The following GATA5 variants were observed in gnomAD, a reference collection of about 807,000 sequenced individuals.
The protein encoded by GATA5 is GATA binding protein 5, also known as transcription factor GATA-5.
GATA5 carries 27 observed loss-of-function variants against 35.0 expected under a neutral mutation model. The ratio of observed to expected loss-of-function variants is 0.77; its 90% CI spans 0.57 to 1.06. GATA5 has a LOEUF of 1.06. Among genes scored for constraint, GATA5 ranks in the 50% least tolerant of loss-of-function variants. GATA5 has a pLI of 0.00. For missense variants in GATA5, 612 were observed against 580.0 expected, an observed-to-expected ratio of 1.06 and a Z score of -0.57; for synonymous variants, 306 against 267.8, an observed-to-expected ratio of 1.14 and a Z score of -1.39.
rs1232727494 is a variant in GATA5, at chr20:62,463,811, C to T, written c.*1025G>A. On this transcript the variant is annotated 3_prime_UTR_variant, in exon 7 of 7. Coordinates refer to ENST00000252997, the MANE Select transcript of GATA5 (RefSeq NM_080473.5). ...CGGACGGAGGCGAGGATGTGCTCCC[C>T]GCAGGGCCCTGTGGCTGCCTGCCCC... 10 of 152,670 alleles carry T rather than the reference C, an allele frequency of 6.6e-5. No homozygotes were observed. Among genetic ancestry groups the T allele is most frequent in the East Asian group, 1.9e-4 (1 of 5,206 alleles). The allele number at this position is 152,670 out of a possible 1,614,324, so 9.5% of individuals were successfully genotyped here. A position where few individuals can be genotyped will look rare whatever the true frequency, so the allele number is the denominator to read the frequency against.
chr20:62,465,313 G>C, intron 6 of GATA5, 27 bp downstream of exon 6: 1 of 1,574,046 alleles, frequency 6.4e-7, no homozygotes, highest in Non-Finnish European at 8.6e-7. Flanking sequence ...CCAGCTCTGG[G>C]CACCCCACCC....
At position 62,465,361 on chromosome 20, in the gene GATA5, A is replaced by T; in HGVS notation, c.1017T>A (p.Pro339=). 1 of 1,521,080 alleles carries T rather than the reference A, an allele frequency of 6.6e-7. No homozygotes were observed. The highest frequency in any genetic ancestry group is 8.9e-7 in the Non-Finnish European group (1 of 1,127,496). 94.2% of individuals were successfully genotyped at this position (1,521,080 alleles called of 1,614,324 possible). A position where few individuals can be genotyped will look rare whatever the true frequency, so the allele number is the denominator to read the frequency against. The change falls in exon 6 of 7, where the codon CCT becomes CCA. Residue 339 remains proline, a synonymous_variant. Coordinates refer to ENST00000252997, the MANE Select transcript of GATA5 (RefSeq NM_080473.5). ...AKPSLASPVC[P]GPSMAPQASG... ...TTACCTGGGGGGCCATGCTGGGCCC[A>T]GGGCACACTGGGGACGCCAGGCTGG...
chr20:62,468,750 T>C (rs544174526), intron 3 of GATA5, among the ~76,000 whole-genome samples: 29 of 152,274 alleles, frequency 1.9e-4, no homozygotes, highest in African/African-American at 7.0e-4. Flanking sequence ...CCACTCAGGG[T>C]CTCCAGTGGT....
rs1162960226 is a variant in GATA5 at position 62,464,803 on chromosome 20, G to A, written c.*33C>T. On this transcript the variant is annotated 3_prime_UTR_variant, in exon 7 of 7. Coordinates refer to ENST00000252997, the MANE Select transcript of GATA5 (RefSeq NM_080473.5). ...GTGACTCAGTGGGTGGTCTGTTCCA[G>A]GCTGTTCCCCTGACATGGGCTGGCC... is the stretch of plus-strand genomic sequence containing the variant. 1.3e-6 allele frequency: 2 copies of A among 1,552,508 alleles called. No homozygotes were observed. The highest frequency in any genetic ancestry group is 1.2e-5 in the South Asian group (1 of 84,212).
chr20:62,475,701 C>A (rs903270447), intron 1 of GATA5, among the ~76,000 whole-genome samples, 159 bp from the exon 2 acceptor site: 3 of 152,242 alleles, frequency 2.0e-5, no homozygotes, highest in Non-Finnish European at 4.4e-5. Flanking sequence ...GGGAGAGGAA[C>A]CGCGGGGATG....
At chr20:62,465,971 G>T in intron 4 of GATA5, 50 bp from the exon 5 acceptor site, 1 of 1,346,210 alleles carries the variant, frequency 7.4e-7, no homozygotes, top group Non-Finnish European at 1.0e-6. Flanking sequence ...GCTCACCCCG[G>T]GCCCCTTGCA....
At position 62,465,853 on chromosome 20, in the gene GATA5, G is replaced by A. The variant is rs375919434; in HGVS notation, c.894C>T (p.Ala298=). 6.3e-7 allele frequency: 1 copy of A among 1,592,984 alleles called. No homozygotes were observed. The highest frequency in any genetic ancestry group is 1.3e-5 in the African/African-American group (1 of 74,722). Residue 298 remains alanine, a synonymous_variant, in exon 5 of 7, where the codon GCC becomes GCT. Transcript: ENST00000252997. ...QTRKRKPKTI[A]KARGSSGSTR... is the part of the protein sequence containing the mutation. ...ACGCACCTGAGGAGCCCCTGGCCTTGGCGATGGTCTTTGGCTTCCGCTTCC... is the reference window on the plus strand; with the variant it reads ...ACGCACCTGAGGAGCCCCTGGCCTTAGCGATGGTCTTTGGCTTCCGCTTCC...
In GATA5 at chr20:62,473,556, G is replaced by C. The variant is rs782578916; in HGVS notation, c.546C>G (p.Phe182Leu). The C allele has an allele frequency of 8.7e-6, 14 of 1,600,762 alleles. No homozygotes were observed. Among genetic ancestry groups the C allele is most frequent in the Non-Finnish European group, 1.1e-5 (13 of 1,174,290 alleles). ...TGACACACTCACGACCCTCACCCGG[G>C]AACTCCTCCAAGAAGTCGGACACTG... ...PTFVSDFLEE[F>L]PGEGRECVNC... is the part of the protein sequence containing the mutation. Residue 182 changes from phenylalanine (F) to leucine (L), a missense_variant, in exon 3 of 7, where the codon TTC becomes TTG. Physicochemically the swap from Phe to Leu is conservative, Grantham distance 22. Transcript: ENST00000252997.
At chr20:62,465,019 T>C (rs1342333332) in intron 6 of GATA5, 28 bp from the exon 7 acceptor site, 3 of 362,216 alleles carry the variant, frequency 8.3e-6, no homozygotes, top group Non-Finnish European at 1.2e-5. Flanking sequence ...CGTGAGAATG[T>C]GGGGTGGGGC....
chr20:62,473,245 G>A (rs1009672647), intron 3 of GATA5, among the ~76,000 whole-genome samples, 158 bp downstream of exon 3: 4 of 152,256 alleles, frequency 2.6e-5, no homozygotes, highest in African/African-American at 7.2e-5. Flanking sequence ...GAAGACCTGA[G>A]CCGGCCTGAC....
rs1214502919 is a variant in GATA5 at position 62,463,856 on chromosome 20, C to T, written c.*980G>A. The T allele has an allele frequency of 6.6e-6, 1 of 152,548 alleles. No individual in the cohort carries two copies. Among genetic ancestry groups the T allele is most frequent in the Non-Finnish European group, 1.5e-5 (1 of 68,266 alleles). 9.4% of individuals were successfully genotyped at this position (152,548 alleles called of 1,614,324 possible). A position where few individuals can be genotyped will look rare whatever the true frequency, so the allele number is the denominator to read the frequency against. On this transcript the variant is annotated 3_prime_UTR_variant, in exon 7 of 7. Transcript: ENST00000252997. Reference sequence around the variant, plus strand: ...TGCCCCGCTCCTCTGCTCCCTGTGGCCTCCTGACATACATCACCGGCCATT... The same window carrying T: ...TGCCCCGCTCCTCTGCTCCCTGTGGTCTCCTGACATACATCACCGGCCATT...
chr20:62,465,771 G>T, intron 5 of GATA5, 63 bp downstream of exon 5: 2 of 1,258,796 alleles, frequency 1.6e-6, no homozygotes, highest in South Asian at 1.3e-5. Context: ...TCTCATGACG[G>T]AACTGGAGGC....
chr20:62,465,930 G>T lies in GATA5; in HGVS notation c.826-9C>A, dbSNP rs1003854456. The T allele has an allele frequency of 1.9e-6, 3 of 1,569,482 alleles. No individual in the cohort carries two copies. The African/African-American group carries it at 4.0e-5, about 21-fold the overall frequency. ...GCCAGAGGCCGCGGCACCTGGCAGG[G>T]GTGGCGAGGGTGGAGGCTGGTCCCA... On this transcript the variant is annotated splice_polypyrimidine_tract_variant and intron_variant, in intron 4 of 6. Coordinates refer to ENST00000252997, the MANE Select transcript of GATA5 (RefSeq NM_080473.5).
In GATA5 at chr20:62,475,333, G is replaced by A. The variant is rs1356751836; in HGVS notation, c.189C>T (p.Gly63=). ...PQPPELAARP[G]WAQTATADSS... is the part of the protein sequence containing the mutation. Reference sequence around the variant, plus strand: ...AATCCGCGGTGGCTGTCTGCGCCCAGCCGGGGCGCGCAGCGAGCTCGGGGG... The same window carrying A: ...AATCCGCGGTGGCTGTCTGCGCCCAACCGGGGCGCGCAGCGAGCTCGGGGG... Residue 63 remains glycine, a synonymous_variant, in exon 2 of 7, where the codon GGC becomes GGT. Coordinates refer to ENST00000252997, the MANE Select transcript of GATA5 (RefSeq NM_080473.5). 2.4e-6 allele frequency: 3 copies of A among 1,253,788 alleles called. No individual in the cohort carries two copies. The highest frequency in any genetic ancestry group is 3.0e-6 in the Non-Finnish European group (3 of 998,628). 77.7% of individuals were successfully genotyped at this position (1,253,788 alleles called of 1,614,324 possible). A position where few individuals can be genotyped will look rare whatever the true frequency, so the allele number is the denominator to read the frequency against.
intron 4 of GATA5, 40 bp downstream of exon 4, chr20:62,466,386 G>T: frequency 6.5e-7 from 1 of 1,546,398 alleles, no homozygotes; most frequent in Non-Finnish European, 8.7e-7. Context: ...TAGGAGGCTG[G>T]ACAGAGGCCT....
chr20:62,464,815 G>A lies in GATA5; in HGVS notation c.*21C>T, dbSNP rs782511379. On this transcript the variant is annotated 3_prime_UTR_variant, in exon 7 of 7. Coordinates refer to ENST00000252997, the MANE Select transcript of GATA5 (RefSeq NM_080473.5). Reference sequence around the variant, plus strand: ...GTGGTCTGTTCCAGGCTGTTCCCCTGACATGGGCTGGCCTGGGGACCTAGG... The same window carrying A: ...GTGGTCTGTTCCAGGCTGTTCCCCTAACATGGGCTGGCCTGGGGACCTAGG... 1.3e-6 allele frequency: 2 copies of A among 1,568,156 alleles called. No homozygotes were observed. The highest frequency in any genetic ancestry group is 2.3e-5 in the South Asian group (2 of 86,804).
rs79907124 is a variant in GATA5 at position 62,466,434 on chromosome 20, G to A, written c.817C>T (p.Leu273=). ...CCGGGGACCACACTCACCCCGTGCAGCTTCATGTAGAGGCCGCAGGCATTG... is the reference window on the plus strand; with the variant it reads ...CCGGGGACCACACTCACCCCGTGCAACTTCATGTAGAGGCCGCAGGCATTG... ...VCNACGLYMK[L]HGVPRPLAMK... Residue 273 remains leucine, a synonymous_variant, in exon 4 of 7, where the codon CTG becomes TTG. Coordinates refer to ENST00000252997, the MANE Select transcript of GATA5 (RefSeq NM_080473.5). 1,309 of 1,586,354 alleles carry A rather than the reference G, an allele frequency of 8.3e-4. 13 individuals are homozygous for A. In the African/African-American group the frequency reaches 0.014, roughly 17 times the overall value.
chr20:62,465,392 G>A lies in GATA5; in HGVS notation c.986C>T (p.Ala329Val), dbSNP rs1555895952. 6.2e-7 allele frequency: 1 copy of A among 1,607,688 alleles called. No homozygotes were observed. Among genetic ancestry groups the A allele is most frequent in the Non-Finnish European group, 8.5e-7 (1 of 1,179,746 alleles). The part of the protein sequence containing the change: ...STDSSAATSK[A>V]KPSLASPVCP... ...CACTGGGGACGCCAGGCTGGGCTTGGCTTTCGAAGTGGCTGCTGAGCTGTC... is the reference window on the plus strand; with the variant it reads ...CACTGGGGACGCCAGGCTGGGCTTGACTTTCGAAGTGGCTGCTGAGCTGTC... Residue 329 changes from alanine (A) to valine (V), a missense_variant, in exon 6 of 7, where the codon GCC (alanine) becomes GTC (valine). Ala to Val is a moderately conservative substitution (Grantham distance 64). Transcript: ENST00000252997.
rs550087773 is a variant in GATA5 at position 62,464,729 on chromosome 20, T to G, written c.*107A>C. On this transcript the variant is annotated 3_prime_UTR_variant, in exon 7 of 7. Coordinates refer to ENST00000252997, the MANE Select transcript of GATA5 (RefSeq NM_080473.5). Reference sequence around the variant, plus strand: ...GACTCCAGCAGACCCAGTCTCTGGGTTGGGGGGCCTGCTGGTCTCTGCTGT... The same window carrying G: ...GACTCCAGCAGACCCAGTCTCTGGGGTGGGGGGCCTGCTGGTCTCTGCTGT... 10 of 980,372 alleles carry G rather than the reference T, an allele frequency of 1.0e-5. No individual in the cohort carries two copies. Among genetic ancestry groups the G allele is most frequent in the African/African-American group, 1.7e-5 (1 of 58,750 alleles). The allele number at this position is 980,372 out of a possible 1,614,324, so 60.7% of individuals were successfully genotyped here. A position where few individuals can be genotyped will look rare whatever the true frequency, so the allele number is the denominator to read the frequency against.
Sources: allele counts gnomAD v4.1 joint callset (sites outside exome capture counted in the v4.1 genomes callset), GRCh38; gene constraint gnomAD v4.1.1; transcripts MANE v1.5; gene names NCBI Gene and HGNC (gene_info 2026-07-23, HGNC 2026-07-21).